Variants in XPO1 observed in about 807,000 individuals in gnomAD.
XPO1 encodes exportin 1.
XPO1 carries 5 observed loss-of-function variants against 133.3 expected under a neutral mutation model. The ratio of observed to expected loss-of-function variants is 0.04; its 90% confidence interval spans 0.02 to 0.08. The LOEUF (loss-of-function observed/expected upper bound fraction) is 0.08, where lower values mean the gene tolerates loss of function less well. XPO1 is among the 10% of genes least tolerant of loss of function. XPO1 has a pLI of 1.00. For missense variants in XPO1, 506 were observed against 1,267.5 expected, an observed-to-expected ratio of 0.40 and a Z score of 9.12; for synonymous variants, 419 against 408.2, an observed-to-expected ratio of 1.03 and a Z score of -0.32.
chr2:61,486,984 TTC>T (rs1696727365), intron 19 of XPO1, among the ~76,000 whole-genome samples: 1 of 151,296 alleles, frequency 6.6e-6, no homozygotes. Flanking sequence ...TAACTTCTTG[TTC>T]TTTTTTTTTT....
chr2:61,535,179 T>C (rs1699306841), intron 1 of XPO1, among the ~76,000 whole-genome samples: 1 of 152,228 alleles, frequency 6.6e-6, no homozygotes, highest in Non-Finnish European at 1.5e-5. Context: ...AATATATCTT[T>C]CCTCTGCTTT....
chr2:61,491,496 A>C (rs371546883), intron 16 of XPO1, among the ~76,000 whole-genome samples: 1,697 of 147,342 alleles, frequency 0.012, 18 homozygotes, highest in Non-Finnish European at 0.015. Flanking sequence ...ACACACACAC[A>C]CCCCAAAACA....
At chr2:61,534,216 G>A in intron 1 of XPO1, 1 of 182,376 alleles carries the variant, frequency 5.5e-6, no homozygotes, top group Non-Finnish European at 1.1e-5. Flanking sequence ...CCACTATTAG[G>A]ATTTTATGGT....
At chr2:61,520,626 C>A (rs977773744) in intron 4 of XPO1, among the ~76,000 whole-genome samples, 8 of 152,116 alleles carry the variant, frequency 5.3e-5, no homozygotes, top group Non-Finnish European at 1.0e-4. Flanking sequence ...GCCTGAGGAA[C>A]AGAGTGAGAA....
intron 4 of XPO1, among the ~76,000 whole-genome samples, chr2:61,514,456 G>C (rs1008756187): frequency 1.3e-5 from 2 of 151,936 alleles, no homozygotes; most frequent in African/African-American, 4.8e-5. Context: ...AGCTGGGTGT[G>C]GTGGCACATG....
rs917223066 is a variant in XPO1 at position 61,478,487 on chromosome 2, T to G, written c.*333A>C. ...AAATTGGTATTGTTTACAGGAAAAA[T>G]TGTATAATTTTGCATTAGAATTACA... On this transcript the variant is annotated 3_prime_UTR_variant, in exon 25 of 25. Coordinates refer to ENST00000401558, the MANE Select transcript of XPO1 (RefSeq NM_003400.4). 5.1e-5 allele frequency: 14 copies of G among 274,580 alleles called. No homozygotes were observed. Among genetic ancestry groups the G allele is most frequent in the African/African-American group, 3.0e-4 (14 of 46,110 alleles). 17.0% of individuals were successfully genotyped at this position (274,580 alleles called of 1,614,324 possible). A position where few individuals can be genotyped will look rare whatever the true frequency, so the allele number is the denominator to read the frequency against.
At position 61,484,150 on chromosome 2, in the gene XPO1, T is replaced by C. The variant is rs764930285; in HGVS notation, c.2509-45A>G. 46 of 1,542,250 alleles carry C rather than the reference T, an allele frequency of 3.0e-5. No homozygotes were observed. In the East Asian group the frequency reaches 3.8e-4, roughly 13 times the overall value. On this transcript the variant is annotated intron_variant, in intron 20 of 24. Transcript: ENST00000401558. The stretch of plus-strand genomic sequence containing the variant: ...ACAAAATAATGTTTCAGTGTCTTTG[T>C]TGTGCTAGACAGGAGGGGAAAAGCA...
intron 4 of XPO1, among the ~76,000 whole-genome samples, chr2:61,519,005 C>A (rs1374079552): frequency 6.6e-6 from 1 of 152,028 alleles, no homozygotes; most frequent in Non-Finnish European, 1.5e-5. Context: ...TGTTGGAGTG[C>A]AATGGCGTGA....
At chr2:61,528,775 A>G (rs1294238599) in intron 2 of XPO1, among the ~76,000 whole-genome samples, 1 of 91,278 alleles carries the variant, frequency 1.1e-5, no homozygotes, top group Non-Finnish European at 2.1e-5. Flanking sequence ...ATATATATAT[A>G]TATATAGTTT....
rs1398713134 is a variant in XPO1, at chr2:61,524,271, C to G, written c.229-1588G>C. On this transcript the variant is annotated intron_variant, in intron 3 of 24. Transcript: ENST00000401558. ...ACAAAACCCACCATAAATATAGTTA[C>G]AAATAAAAATCTTAAAGATAACTTC... Among the ~76,000 whole-genome samples, 28 of 152,284 alleles carry G rather than the reference C, an allele frequency of 1.8e-4. No individual in the cohort carries two copies. In the East Asian group the frequency reaches 5.0e-3, roughly 27 times the overall value.
chr2:61,536,682 A>C (rs1699366273), intron 1 of XPO1: 1 of 152,166 alleles, frequency 6.6e-6, no homozygotes, highest in African/African-American at 2.4e-5. Flanking sequence ...AGCCCTTCTA[A>C]CTATAGCACA....
chr2:61,482,797 T>A, intron 22 of XPO1, 160 bp downstream of exon 22: 5 of 869,022 alleles, frequency 5.8e-6, no homozygotes, highest in Non-Finnish European at 6.9e-6. Context: ...TATTTTTTTA[T>A]GGTATTTTTA....
At chr2:61,491,660 G>A (rs547883778) in intron 16 of XPO1, among the ~76,000 whole-genome samples, 2 of 152,304 alleles carry the variant, frequency 1.3e-5, no homozygotes, top group South Asian at 4.1e-4. Context: ...TTGGGAGGCT[G>A]AGGCAAGCGT....
chr2:61,516,819 T>A (rs1211099115), intron 4 of XPO1, among the ~76,000 whole-genome samples: 1 of 152,228 alleles, frequency 6.6e-6, no homozygotes, highest in Non-Finnish European at 1.5e-5. Context: ...TACCTTTATA[T>A]AGCATCATCT....
At chr2:61,485,738 T>C in intron 20 of XPO1, 30 bp downstream of exon 20, 2 of 1,559,470 alleles carry the variant, frequency 1.3e-6, no homozygotes, top group East Asian at 4.5e-5. Flanking sequence ...CTGCAGAATT[T>C]CCCCCTTACA....
chr2:61,528,008 C>A (rs1289635094), intron 2 of XPO1, among the ~76,000 whole-genome samples: 1 of 151,450 alleles, frequency 6.6e-6, no homozygotes, highest in Non-Finnish European at 1.5e-5. Context: ...CTCACTGCAA[C>A]CTTCACCTCC....
At chr2:61,532,305 T>G (rs1295892909) in intron 2 of XPO1, among the ~76,000 whole-genome samples, 1 of 151,824 alleles carries the variant, frequency 6.6e-6, no homozygotes, top group Non-Finnish European at 1.5e-5. Flanking sequence ...TTTTTTGTGT[T>G]TTTAGTAGAG....
At chr2:61,482,660 C>T in intron 22 of XPO1, 121 bp from the exon 23 acceptor site, 1 of 994,842 alleles carries the variant, frequency 1.0e-6, no homozygotes, top group South Asian at 1.9e-5. Context: ...AGCTGGAATG[C>T]CGTGGCGCAA....
At chr2:61,497,337 A>T (rs1697288184) in intron 9 of XPO1, among the ~76,000 whole-genome samples, 1 of 152,036 alleles carries the variant, frequency 6.6e-6, no homozygotes, top group Admixed American at 6.6e-5. Flanking sequence ...TCAGCCTCTC[A>T]AATAGCTGGG....
Sources: gnomAD v4.1 joint callset for allele counts (sites outside exome capture counted in the v4.1 genomes callset) on GRCh38, gnomAD v4.1.1 for gene constraint, MANE v1.5 for transcripts, NCBI Gene and HGNC (gene_info 2026-07-23, HGNC 2026-07-21) for gene names.